The following DPP8 variants were observed in gnomAD, a reference collection of about 807,000 sequenced individuals.
DPP8 encodes the protein DPP VIII.
A neutral mutation model predicts 107.5 loss-of-function variants in DPP8; 31 were observed. The observed-to-expected ratio is 0.29, with a 90% CI of 0.22 to 0.39. The LOEUF is 0.39. Among genes scored for constraint, DPP8 ranks in the 10% least tolerant of loss-of-function variants. The probability of loss-of-function intolerance (pLI) is 1.00; values close to 1 mark genes in which losing one functional copy is unlikely to be tolerated. For missense variants in DPP8, 842 were observed against 1,076.1 expected (o/e 0.78, Z 3.04); for synonymous variants, 381 against 356.6 (o/e 1.07, Z -0.77).
At chr15:65,476,425 G>C (rs564700074) in intron 11 of DPP8, among the ~76,000 whole-genome samples, 3 of 152,202 alleles carry the variant, frequency 2.0e-5, no homozygotes, top group African/African-American at 4.8e-5. Context: ...GAGGGAGAAG[G>C]AAATGAAGTA....
In DPP8 at chr15:65,503,647, A is replaced by T. The variant is rs190715813; in HGVS notation, c.373-2868T>A. On this transcript the variant is annotated intron_variant, in intron 3 of 19. Coordinates refer to ENST00000300141, the MANE Select transcript of DPP8 (RefSeq NM_130434.5). Reference sequence around the variant, plus strand: ...TTATTTATTATTATTTTTTGAGATGAAGTCTTGCTCTGTCACTCAGGGTAG... The same window carrying T: ...TTATTTATTATTATTTTTTGAGATGTAGTCTTGCTCTGTCACTCAGGGTAG... Among the ~76,000 whole-genome samples the T allele has an allele frequency of 4.7e-5, 7 of 149,086 alleles. No individual in the cohort carries two copies. In the South Asian group the frequency reaches 6.4e-4, roughly 14 times the overall value.
In DPP8 at chr15:65,478,935, T is replaced by C; in HGVS notation, c.1401A>G (p.Thr467=). The C allele has an allele frequency of 1.3e-6, 2 of 1,595,454 alleles. No homozygotes were observed. Among genetic ancestry groups the C allele is most frequent in the Non-Finnish European group, 1.7e-6 (2 of 1,172,636 alleles). ...KTGFRHLYKI[T]SILKESKYKR... ...TATATTTGCTTTCCTTTAAAATAGATGTAATTTTGTATAAATGACGGAAAC... is the reference window on the plus strand; with the variant it reads ...TATATTTGCTTTCCTTTAAAATAGACGTAATTTTGTATAAATGACGGAAAC... Residue 467 remains threonine (T), a synonymous_variant, in exon 11 of 20, where the codon ACA becomes ACG. Transcript: ENST00000300141.
At chr15:65,479,086 A>T (rs752599025) in intron 10 of DPP8, 47 bp from the exon 11 acceptor site, 8 of 1,306,698 alleles carry the variant, frequency 6.1e-6, no homozygotes, top group Non-Finnish European at 8.3e-6. Context: ...TGAAAATACT[A>T]CATAATTCAA....
chr15:65,473,471 C>T (rs1225543466), intron 12 of DPP8, among the ~76,000 whole-genome samples: 1 of 151,942 alleles, frequency 6.6e-6, no homozygotes, highest in South Asian at 2.1e-4. Context: ...GGTTTGAGAC[C>T]AGCCCAGACA....
chr15:65,495,829 C>A (rs1244039627), intron 5 of DPP8, among the ~76,000 whole-genome samples: 1 of 148,818 alleles, frequency 6.7e-6, no homozygotes, highest in Non-Finnish European at 1.5e-5. Context: ...TTGCAGTGAG[C>A]AGAGATCACA....
chr15:65,447,128 A>G (rs1161445986), intron 19 of DPP8, 122 bp from the exon 20 acceptor site: 1 of 642,234 alleles, frequency 1.6e-6, no homozygotes, highest in Non-Finnish European at 2.5e-6. Context: ...TCTATGCAAT[A>G]TTGTAGAATA....
rs569438278 is a variant in DPP8 at position 65,480,387 on chromosome 15, G to C, written c.1131C>G (p.Ile377Met). The C allele has an allele frequency of 6.5e-5, 104 of 1,609,622 alleles. 1 individual carries two copies. In the South Asian group the frequency reaches 9.5e-4, roughly 15 times the overall value. Residue 377 changes from isoleucine to methionine, a missense_variant, in exon 10 of 20, where the codon ATC becomes ATG. By Grantham distance (10) the Ile-to-Met change is conservative. This residue lies in a region of DPP8 where 663 missense variants were observed against 758.0 expected (regional missense o/e 0.87). Transcript: ENST00000300141. ...GGCGAGTCTGGGAGCGATCTAGTAG[G>C]ATGGACCAAGCACTATTTAAATAAA... Reference protein sequence around the residue: ...WTPEGKYAWSILLDRSQTRLQ... With the variant: ...WTPEGKYAWSMLLDRSQTRLQ...
At position 65,444,668 on chromosome 15, in the gene DPP8, G is replaced by A. The variant is rs1198896981; in HGVS notation, c.*2216C>T. The A allele has an allele frequency of 6.6e-6, 1 of 152,148 alleles. No individual in the cohort carries two copies. The highest frequency in any genetic ancestry group is 1.5e-5 in the Non-Finnish European group (1 of 68,030). 9.4% of individuals were successfully genotyped at this position (152,148 alleles called of 1,614,324 possible). On this transcript the variant is annotated 3_prime_UTR_variant, in exon 20 of 20. Coordinates refer to ENST00000300141, the MANE Select transcript of DPP8 (RefSeq NM_130434.5). ...AATAGAAGCATTCTTTGTGATAGGA[G>A]GAAAGGAGAAGGCAACATGCAAAAG... is the stretch of plus-strand genomic sequence containing the variant.
rs58549410 is a variant in DPP8, at chr15:65,448,865, AATATATATATATATATAT to A, written c.2527-1877_2527-1860del. 7.7e-3 allele frequency among the ~76,000 whole-genome samples: 411 copies of A among 53,238 alleles called. 7 individuals carry two copies. Among genetic ancestry groups the A allele is most frequent in the Middle Eastern group, 0.033 (3 of 90 alleles). The allele number at this position is 53,238 out of a possible 152,430, so 34.9% of individuals were successfully genotyped here. Reference sequence around the variant, plus strand: ...ATATAAAATATACATATATATCTAAAATATATATATATATATATATATATATATATATATATATATATA... The same window carrying A: ...ATATAAAATATACATATATATCTAAAATATATATATATATATATATATATA... On this transcript the variant is annotated intron_variant, in intron 19 of 19. Coordinates refer to ENST00000300141, the MANE Select transcript of DPP8 (RefSeq NM_130434.5).
intron 3 of DPP8, among the ~76,000 whole-genome samples, chr15:65,505,077 C>T (rs979264731): frequency 4.0e-5 from 6 of 151,412 alleles, no homozygotes; most frequent in African/African-American, 7.3e-5. Flanking sequence ...TGAGCAGGGC[C>T]GGGCGCGGTG....
intron 7 of DPP8, among the ~76,000 whole-genome samples, chr15:65,485,750 G>A (rs934830939): frequency 6.6e-6 from 1 of 151,874 alleles, no homozygotes; most frequent in African/African-American, 2.4e-5. Context: ...TTGAGCTCAG[G>A]AATTCAAGAC....
intron 15 of DPP8, chr15:65,458,778 C>G (rs936263232): frequency 6.6e-6 from 1 of 152,104 alleles, no homozygotes; most frequent in Non-Finnish European, 1.5e-5. Flanking sequence ...CGTGAATACA[C>G]ACCAAGAAAG....
chr15:65,511,302 C>T (rs1235498853), intron 2 of DPP8, among the ~76,000 whole-genome samples: 2 of 151,944 alleles, frequency 1.3e-5, no homozygotes, highest in East Asian at 3.9e-4. Context: ...GCCTGAGCAA[C>T]ATGGCAAAAC....
intron 11 of DPP8, 100 bp from the exon 12 acceptor site, chr15:65,474,388 T>C (rs2066195218): frequency 4.8e-6 from 4 of 829,156 alleles, no homozygotes; most frequent in South Asian, 4.6e-5. Context: ...CAAAAAGTTA[T>C]GTTTGGGGTA....
intron 2 of DPP8, chr15:65,512,035 C>A: frequency 1.7e-6 from 1 of 605,018 alleles, no homozygotes; most frequent in Non-Finnish European, 3.1e-6. Context: ...GCATTTCAAG[C>A]TAGCTTTAGG....
chr15:65,500,070 T>A (rs549338486), intron 4 of DPP8, among the ~76,000 whole-genome samples: 9 of 152,090 alleles, frequency 5.9e-5, no homozygotes, highest in East Asian at 3.9e-4. Context: ...TAAGTTTTTT[T>A]AAATTTTTTT....
Position 65,445,619 on chromosome 15 carries a change from T to C in DPP8, c.*1265A>G, listed in dbSNP as rs1161689735. On this transcript the variant is annotated 3_prime_UTR_variant, in exon 20 of 20. Coordinates refer to ENST00000300141, the MANE Select transcript of DPP8 (RefSeq NM_130434.5). Reference sequence around the variant, plus strand: ...TAAAGAGGTTATCTATAAACATTTGTATTTTAAGCTTACAATATCTAAATT... The same window carrying C: ...TAAAGAGGTTATCTATAAACATTTGCATTTTAAGCTTACAATATCTAAATT... 1 of 153,664 alleles carries C rather than the reference T, an allele frequency of 6.5e-6. No homozygotes were observed. Among genetic ancestry groups the C allele is most frequent in the Non-Finnish European group, 1.5e-5 (1 of 68,020 alleles). 9.5% of individuals were successfully genotyped at this position (153,664 alleles called of 1,614,324 possible).
chr15:65,491,529 T>C (rs995638255), intron 5 of DPP8, among the ~76,000 whole-genome samples: 1 of 152,196 alleles, frequency 6.6e-6, no homozygotes, highest in Non-Finnish European at 1.5e-5. Flanking sequence ...AGAGGTCAGG[T>C]TTGCATATTC....
Position 65,442,731 on chromosome 15 carries a change from ACTTTTT to A in DPP8, c.*4147_*4152del, listed in dbSNP as rs1385252654. On this transcript the variant is annotated 3_prime_UTR_variant, in exon 20 of 20. Transcript: ENST00000300141. Reference sequence around the variant, plus strand: ...ACTTAAAAACAAACATACAAACACTACTTTTTCTTTATCTGTAAAGGACTTATGAAA... The same window carrying A: ...ACTTAAAAACAAACATACAAACACTACTTTATCTGTAAAGGACTTATGAAA... 30 of 152,226 alleles carry A rather than the reference ACTTTTT, an allele frequency of 2.0e-4. No homozygotes were observed. The highest frequency in any genetic ancestry group is 7.2e-4 in the African/African-American group (30 of 41,544). The allele number at this position is 152,226 out of a possible 1,614,324, so 9.4% of individuals were successfully genotyped here.
Sources: allele counts gnomAD v4.1 joint callset (sites outside exome capture counted in the v4.1 genomes callset), GRCh38; gene constraint gnomAD v4.1.1; regional missense constraint gnomAD v4.1.1; transcripts MANE v1.5; gene names NCBI Gene and HGNC (gene_info 2026-07-23, HGNC 2026-07-21).